The following CDC73 variants were observed in gnomAD, a reference collection of about 807,000 sequenced individuals.
CDC73 encodes the protein parafibromin.
In CDC73, 21 loss-of-function variants were observed where a neutral mutation model predicts 83.7. The observed-to-expected ratio is 0.25, with a 90% confidence interval of 0.18 to 0.36. CDC73 has a LOEUF of 0.36. Ranked by LOEUF, CDC73 falls within the 10% of genes least tolerant of loss-of-function variation. The pLI, the probability that CDC73 is intolerant of heterozygous loss-of-function variation, is 1.00. For synonymous variants in CDC73, 224 were observed against 212.9 expected (o/e 1.05, Z -0.45); for missense variants, 342 against 653.3 (o/e 0.52, Z 5.19).
chr1:193,211,992 C>A, intron 11 of CDC73, 73 bp from the exon 12 acceptor site: 1 of 1,141,168 alleles, frequency 8.8e-7, no homozygotes. Context: ...AAAAAATATC[C>A]CTTATTTGTA....
chr1:193,152,950 T>A (rs1346046355), intron 10 of CDC73, among the ~76,000 whole-genome samples: 1 of 151,986 alleles, frequency 6.6e-6, no homozygotes, highest in Non-Finnish European at 1.5e-5. Flanking sequence ...CCAGCTAATT[T>A]TCTTGTATTT....
At chr1:193,229,197 A>G (rs1051564371) in intron 13 of CDC73, among the ~76,000 whole-genome samples, 2 of 152,254 alleles carry the variant, frequency 1.3e-5, no homozygotes, top group African/African-American at 4.8e-5. Context: ...TACATACCCC[A>G]TGATTCACTT....
intron 11 of CDC73, among the ~76,000 whole-genome samples, chr1:193,206,791 T>G (rs890827431): frequency 6.6e-6 from 1 of 152,254 alleles, no homozygotes; most frequent in Admixed American, 6.5e-5. Flanking sequence ...TCACAAATTT[T>G]TATTTCTCAT....
At chr1:193,171,698 A>G (rs776910152) in intron 10 of CDC73, among the ~76,000 whole-genome samples, 4 of 152,152 alleles carry the variant, frequency 2.6e-5, no homozygotes, top group Non-Finnish European at 4.4e-5. Flanking sequence ...TACTGGGCCA[A>G]TCAGGAAAAT....
In CDC73 at chr1:193,141,830, A is replaced by T. The variant is rs1675911822; in HGVS notation, c.513-20A>T. On this transcript the variant is annotated intron_variant, in intron 6 of 16. Transcript: ENST00000367435. ...CCAGGAATGCCTGCTGTGAAAATTT[A>T]AAAAAGAAATTGCTTTTAGGTCTTT... 1 of 1,561,484 alleles carries T rather than the reference A, an allele frequency of 6.4e-7. No individual in the cohort carries two copies. The highest frequency in any genetic ancestry group is 1.4e-5 in the African/African-American group (1 of 73,704).
At position 193,249,663 on chromosome 1, in the gene CDC73, T is replaced by G. The variant is rs41305084; in HGVS notation, c.1418-67T>G. On this transcript the variant is annotated intron_variant, in intron 15 of 16. Transcript: ENST00000367435. The stretch of plus-strand genomic sequence containing the variant: ...TATAATACGGCTTCAGTTGGTGGAA[T>G]AAAGAAATTTTTTTCTTTTTTTTTA... The G allele has an allele frequency of 0.022, 28,363 of 1,263,392 alleles. 1,049 individuals carry two copies. The highest frequency in any genetic ancestry group is 0.16 in the African/African-American group (10,448 of 66,900). The allele number at this position is 1,263,392 out of a possible 1,614,324, so 78.3% of individuals were successfully genotyped here. A position where few individuals can be genotyped will look rare whatever the true frequency, so the allele number is the denominator to read the frequency against.
chr1:193,197,077 A>G (rs1454710224), intron 10 of CDC73, among the ~76,000 whole-genome samples: 1 of 152,058 alleles, frequency 6.6e-6, no homozygotes, highest in Non-Finnish European at 1.5e-5. Context: ...TGGGTTTTTC[A>G]TATGTATCTT....
At chr1:193,237,479 C>T (rs999613293) in intron 15 of CDC73, among the ~76,000 whole-genome samples, 9 of 152,064 alleles carry the variant, frequency 5.9e-5, no homozygotes, top group Admixed American at 1.3e-4. Flanking sequence ...TTCTCTTACC[C>T]GGAGCCTGAT....
intron 15 of CDC73, among the ~76,000 whole-genome samples, chr1:193,239,605 A>G (rs988826771): frequency 6.6e-6 from 1 of 151,636 alleles, no homozygotes; most frequent in African/African-American, 2.4e-5. Flanking sequence ...GACATTTAAA[A>G]TTTTTTTTTG....
chr1:193,123,466 A>T (rs1402388930), intron 1 of CDC73, among the ~76,000 whole-genome samples: 1 of 152,120 alleles, frequency 6.6e-6, no homozygotes, highest in East Asian at 1.9e-4. Flanking sequence ...ACCTCAAATA[A>T]TCTGCCCGCC....
chr1:193,241,517 A>G (rs1243716392), intron 15 of CDC73, among the ~76,000 whole-genome samples: 1 of 152,196 alleles, frequency 6.6e-6, no homozygotes, highest in African/African-American at 2.4e-5. Flanking sequence ...TGAGCAGGTC[A>G]AGTTTCTGGG....
At chr1:193,126,988 G>T (rs1300607022) in intron 2 of CDC73, among the ~76,000 whole-genome samples, 1 of 152,098 alleles carries the variant, frequency 6.6e-6, no homozygotes, top group Non-Finnish European at 1.5e-5. Flanking sequence ...TAAAAGCCAG[G>T]TGTGGTGGTG....
Position 193,181,324 on chromosome 1 carries a change from C to T in CDC73, c.973-22471C>T, listed in dbSNP as rs576603378. 1.4e-5 allele frequency: 22 copies of T among 1,613,978 alleles called. No individual in the cohort carries two copies. Among genetic ancestry groups the T allele is most frequent in the South Asian group, 7.7e-5 (7 of 91,082 alleles). On this transcript the variant is annotated intron_variant, in intron 10 of 16. Coordinates refer to ENST00000367435, the MANE Select transcript of CDC73 (RefSeq NM_024529.5). ...AGGGACTGTTTCTTTCCAAATGTTC[C>T]GAAGGGAGCTGTGGTTTGTCTCACT... is the stretch of plus-strand genomic sequence containing the variant.
chr1:193,152,501 C>A (rs1005649029), intron 10 of CDC73, 57 bp downstream of exon 10: 6 of 1,075,470 alleles, frequency 5.6e-6, no homozygotes, highest in Non-Finnish European at 8.7e-6. Flanking sequence ...GTGAGTAGCA[C>A]ATGTTGAAGT....
chr1:193,236,048 A>G (rs1237583185), intron 14 of CDC73, among the ~76,000 whole-genome samples: 2 of 152,220 alleles, frequency 1.3e-5, no homozygotes, highest in African/African-American at 4.8e-5. Context: ...GATACATGAG[A>G]AGTATAGCAA....
At chr1:193,158,804 T>G (rs1043308794) in intron 10 of CDC73, among the ~76,000 whole-genome samples, 4 of 152,174 alleles carry the variant, frequency 2.6e-5, no homozygotes, top group African/African-American at 9.6e-5. Context: ...AAAAACTGTT[T>G]ACAAAATGTA....
intron 15 of CDC73, among the ~76,000 whole-genome samples, chr1:193,242,155 A>G (rs1677873800): frequency 6.7e-6 from 1 of 148,422 alleles, no homozygotes; most frequent in African/African-American, 2.4e-5. Context: ...TTAGGGTGTA[A>G]GGACTCTTGG....
rs1439089932 is a variant in CDC73, at chr1:193,153,093, C to T, written c.972+649C>T. Among the ~76,000 whole-genome samples the T allele has an allele frequency of 5.3e-5, 8 of 152,134 alleles. No individual in the cohort carries two copies. In the South Asian group the frequency reaches 1.7e-3, roughly 32 times the overall value. On this transcript the variant is annotated intron_variant, in intron 10 of 16. Coordinates refer to ENST00000367435, the MANE Select transcript of CDC73 (RefSeq NM_024529.5). ...TTGTTTTTAACAATGTAATGTCTTT[C>T]GCTCTTTAAAGAGATGGATTATAGT...
intron 10 of CDC73, among the ~76,000 whole-genome samples, chr1:193,175,372 T>C (rs986093240): frequency 1.4e-4 from 22 of 152,262 alleles, no homozygotes; most frequent in Middle Eastern, 3.4e-3. Context: ...TTGGGTTAAA[T>C]GGATATGGGC....
Sources: gnomAD v4.1 joint callset for allele counts (sites outside exome capture counted in the v4.1 genomes callset) on GRCh38, gnomAD v4.1.1 for gene constraint, MANE v1.5 for transcripts, NCBI Gene and HGNC (gene_info 2026-07-23, HGNC 2026-07-21) for gene names.